Variants in CCDC92B observed in about 807,000 individuals in gnomAD.
The protein encoded by CCDC92B is coiled-coil domain-containing 92B.
Under a neutral mutation model 5.6 loss-of-function variants are expected in CCDC92B, and 2 were observed. That is an observed-to-expected ratio of 0.36 (90% CI 0.15 to 1.12). The LOEUF is 1.12. CCDC92B is among the 50% of genes most tolerant of loss of function. The pLI, the probability that CCDC92B is intolerant of heterozygous loss-of-function variation, is 0.40. For missense variants in CCDC92B, 271 were observed against 262.2 expected, an observed-to-expected ratio of 1.03 and a Z score of -0.23; for synonymous variants, 115 against 122.3, an observed-to-expected ratio of 0.94 and a Z score of 0.39.
At chr17:2,746,136 C>G (rs2070983521) in intron 1 of CCDC92B, among the ~76,000 whole-genome samples, 1 of 152,236 alleles carries the variant, frequency 6.6e-6, no homozygotes, top group Admixed American at 6.5e-5. Context: ...TGCCCACCAC[C>G]ACGCCTGGCT....
At position 2,724,061 on chromosome 17, in the gene CCDC92B, CA is replaced by C; in HGVS notation, c.*349del. ...TAGGCGAGCCCAGCCCTCCCCACCC[CA>C]CCAAGGATTGTCGGCTTTCCCGGGG... On this transcript the variant is annotated 3_prime_UTR_variant, in exon 4 of 4. Coordinates refer to ENST00000614400, the MANE Select transcript of CCDC92B (RefSeq NM_001355573.2). This position sits in a 1 kb window ranked among gnomAD's most constrained non-coding sequence, Gnocchi z 5.0. The C allele has an allele frequency of 2.0e-6, 2 of 985,302 alleles. No individual in the cohort carries two copies. The allele number at this position is 985,302 out of a possible 1,614,324, so 61.0% of individuals were successfully genotyped here.
intron 2 of CCDC92B, among the ~76,000 whole-genome samples, chr17:2,734,712 T>A (rs1340618122): frequency 2.0e-5 from 3 of 151,740 alleles, no homozygotes; most frequent in Non-Finnish European, 4.4e-5. Flanking sequence ...ATGGTCTTGA[T>A]CTCCTGACCT....
intron 3 of CCDC92B, 89 bp downstream of exon 3, chr17:2,730,357 A>T: frequency 1.4e-6 from 1 of 726,546 alleles, no homozygotes; most frequent in Non-Finnish European, 1.7e-6. Context: ...TAGGCTGGGG[A>T]CAGAGAAGGT....
At chr17:2,739,239 C>T (rs11078334) in intron 1 of CCDC92B, among the ~76,000 whole-genome samples, 69,129 of 147,736 alleles carry the variant, frequency 0.47, 18,462 homozygotes, top group African/African-American at 0.73. Flanking sequence ...TGGTGGCGGG[C>T]GCCTGTAGTC....
chr17:2,727,563 C>G (rs575253839), intron 3 of CCDC92B, among the ~76,000 whole-genome samples: 1 of 152,144 alleles, frequency 6.6e-6, no homozygotes, highest in African/African-American at 2.4e-5. Flanking sequence ...CAGTGGCTCA[C>G]GCCTGTAATC....
chr17:2,725,151 T>C (rs1477563326), intron 3 of CCDC92B, among the ~76,000 whole-genome samples, 151 bp from the exon 4 acceptor site: 2 of 152,030 alleles, frequency 1.3e-5, no homozygotes, highest in African/African-American at 4.8e-5. Flanking sequence ...GATGGGCAGA[T>C]GGACTTGAGG....
At chr17:2,730,702 T>C (rs2070785331) in intron 2 of CCDC92B, among the ~76,000 whole-genome samples, 2 of 152,146 alleles carry the variant, frequency 1.3e-5, no homozygotes, top group Admixed American at 1.3e-4. Flanking sequence ...GGGCACAGCC[T>C]GAACCTGGCC....
chr17:2,727,845 G>C (rs2070751031), intron 3 of CCDC92B, among the ~76,000 whole-genome samples: 1 of 150,820 alleles, frequency 6.6e-6, no homozygotes, highest in African/African-American at 2.4e-5. Context: ...AAACGAAAGA[G>C]GACAAAGAAA....
intron 2 of CCDC92B, among the ~76,000 whole-genome samples, chr17:2,731,127 G>A (rs1258552615): frequency 1.3e-5 from 2 of 152,200 alleles, no homozygotes; most frequent in African/African-American, 4.8e-5. Flanking sequence ...AGGACGGTGC[G>A]GTCTATTGAT....
intron 3 of CCDC92B, among the ~76,000 whole-genome samples, chr17:2,729,820 A>G (rs1214217902): frequency 6.6e-6 from 1 of 152,176 alleles, no homozygotes; most frequent in Non-Finnish European, 1.5e-5. Flanking sequence ...GAAGTAAACA[A>G]ATATTTTAGA....
intron 3 of CCDC92B, among the ~76,000 whole-genome samples, chr17:2,725,511 T>C (rs1412738870): frequency 6.6e-6 from 1 of 151,644 alleles, no homozygotes; most frequent in East Asian, 2.0e-4. Context: ...CCCTCGTACC[T>C]ACTCTACCCT....
chr17:2,724,043 G>C lies in CCDC92B; in HGVS notation c.*368C>G, dbSNP rs912041600. 2 of 983,810 alleles carry C rather than the reference G, an allele frequency of 2.0e-6. No individual in the cohort carries two copies. Among genetic ancestry groups the C allele is most frequent in the Non-Finnish European group, 2.4e-6 (2 of 828,530 alleles). 60.9% of individuals were successfully genotyped at this position (983,810 alleles called of 1,614,324 possible). A position where few individuals can be genotyped will look rare whatever the true frequency, so the allele number is the denominator to read the frequency against. ...ACTCTGCGTCCCTTTCCGTAGGCGAGCCCAGCCCTCCCCACCCCACCAAGG... is the reference window on the plus strand; with the variant it reads ...ACTCTGCGTCCCTTTCCGTAGGCGACCCCAGCCCTCCCCACCCCACCAAGG... On this transcript the variant is annotated 3_prime_UTR_variant, in exon 4 of 4. Transcript: ENST00000614400. The surrounding 1 kb of genome is among the most constrained non-coding windows in gnomAD (Gnocchi z 5.0).
At chr17:2,745,998 C>T (rs1224420780) in intron 1 of CCDC92B, among the ~76,000 whole-genome samples, 7 of 151,802 alleles carry the variant, frequency 4.6e-5, no homozygotes, top group African/African-American at 1.5e-4. Flanking sequence ...TTTTTCCCCC[C>T]GAGATGGAGT....
At chr17:2,748,292 G>C (rs2071011400) in intron 1 of CCDC92B, 1 of 1,144,956 alleles carries the variant, frequency 8.7e-7, no homozygotes, top group African/African-American at 1.6e-5. Flanking sequence ...GCCTTGCTCT[G>C]ATGTGACTTT....
In CCDC92B at chr17:2,732,789, G is replaced by A. The variant is rs182413022; in HGVS notation, c.130+2227C>T. Among the ~76,000 whole-genome samples, 848 of 151,444 alleles carry A rather than the reference G, an allele frequency of 5.6e-3. 25 individuals carry two copies. Among genetic ancestry groups the A allele is most frequent in the Admixed American group, 0.05 (755 of 15,094 alleles). ...AGCACTTTGGGAGGCCGAGGTGGGC[G>A]GATCACGAGGTCAGGAGATCGAGAC... On this transcript the variant is annotated intron_variant, in intron 2 of 3. Transcript: ENST00000614400.
Position 2,723,497 on chromosome 17 carries a change from CTCT to C in CCDC92B, c.*911_*913del, listed in dbSNP as rs140994996. On this transcript the variant is annotated 3_prime_UTR_variant, in exon 4 of 4. Coordinates refer to ENST00000614400, the MANE Select transcript of CCDC92B (RefSeq NM_001355573.2). Reference sequence around the variant, plus strand: ...TGAGCCACCGCGCCCAGCCAAGGCTCTCTTCTTCTTGTCTCTGGGTGCAGCCAG... The same window carrying C: ...TGAGCCACCGCGCCCAGCCAAGGCTCTCTTCTTGTCTCTGGGTGCAGCCAG... 14,287 of 152,306 alleles carry C rather than the reference CTCT, an allele frequency of 0.094. 968 individuals are homozygous for C. Among genetic ancestry groups the C allele is most frequent in the East Asian group, 0.3 (1,562 of 5,158 alleles). The allele number at this position is 152,306 out of a possible 1,614,324, so 9.4% of individuals were successfully genotyped here. A position where few individuals can be genotyped will look rare whatever the true frequency, so the allele number is the denominator to read the frequency against.
At chr17:2,746,514 C>A (rs1298929562) in intron 1 of CCDC92B, among the ~76,000 whole-genome samples, 2 of 151,704 alleles carry the variant, frequency 1.3e-5, no homozygotes, top group Non-Finnish European at 2.9e-5. Flanking sequence ...GACTCAGGAA[C>A]CTTCTGACCC....
intron 1 of CCDC92B, among the ~76,000 whole-genome samples, chr17:2,745,358 T>C (rs1006688418): frequency 1.3e-5 from 2 of 152,098 alleles, no homozygotes; most frequent in African/African-American, 2.4e-5. Flanking sequence ...GAAATGCAAA[T>C]GTTTCTGAAG....
intron 1 of CCDC92B, among the ~76,000 whole-genome samples, chr17:2,735,894 A>C (rs933363812): frequency 8.5e-5 from 13 of 152,288 alleles, no homozygotes; most frequent in Admixed American, 2.6e-4. Context: ...CTCAGGGGTA[A>C]AATGAGGGAG....
Sources: gnomAD v4.1 joint callset for allele counts (sites outside exome capture counted in the v4.1 genomes callset) on GRCh38, gnomAD v4.1.1 for gene constraint, Gnocchi (gnomAD v3.1) non-coding constraint, MANE v1.5 for transcripts, NCBI Gene and HGNC (gene_info 2026-07-23, HGNC 2026-07-21) for gene names.